Variants in KANK2 observed in about 807,000 individuals in gnomAD.
KANK2 encodes KN motif and ankyrin repeat domains 2, also known as KN motif and ankyrin repeat domain-containing protein 2.
Under a neutral mutation model 74.6 loss-of-function variants are expected in KANK2, and 41 were observed. The ratio of observed to expected loss-of-function variants is 0.55; its 90% CI spans 0.43 to 0.71. KANK2 has a LOEUF of 0.71. Ranked by LOEUF, KANK2 falls within the 30% of genes least tolerant of loss-of-function variation. The pLI is 0.00. For missense variants in KANK2, 1,148 were observed against 1,196.4 expected, an observed-to-expected ratio of 0.96 and a Z score of 0.60; for synonymous variants, 537 against 519.0, an observed-to-expected ratio of 1.03 and a Z score of -0.47.
intron 6 of KANK2, among the ~76,000 whole-genome samples, chr19:11,177,230 G>A (rs1600812186): frequency 6.6e-6 from 1 of 151,490 alleles, no homozygotes; most frequent in Non-Finnish European, 1.5e-5. Flanking sequence ...GGGACTACAG[G>A]TTTGCACCAC....
intron 12 of KANK2, among the ~76,000 whole-genome samples, chr19:11,167,989 G>A (rs1406748567): frequency 6.8e-6 from 1 of 147,200 alleles, no homozygotes; most frequent in Non-Finnish European, 1.5e-5. Flanking sequence ...CCCATCACTC[G>A]CCATCCCACG....
chr19:11,172,889 G>A (rs2078216837), intron 10 of KANK2, 92 bp downstream of exon 10: 2 of 1,417,766 alleles, frequency 1.4e-6, no homozygotes, highest in Non-Finnish European at 1.9e-6. Flanking sequence ...GGGCTCTGGA[G>A]TTAGACCACC....
At chr19:11,169,329 C>T (rs1055516332) in intron 12 of KANK2, among the ~76,000 whole-genome samples, 3 of 151,940 alleles carry the variant, frequency 2.0e-5, no homozygotes, top group Admixed American at 1.3e-4. Flanking sequence ...TAGAACAAGA[C>T]TTTGTCTCAA....
chr19:11,178,517 G>C (rs372248642), intron 5 of KANK2, 36 bp downstream of exon 5: 1 of 1,602,750 alleles, frequency 6.2e-7, no homozygotes, highest in South Asian at 1.1e-5. Context: ...CGCCATCCCG[G>C]TGCCCCGTCC....
At chr19:11,190,813 C>A (rs912564857) in intron 4 of KANK2, among the ~76,000 whole-genome samples, 7 of 152,076 alleles carry the variant, frequency 4.6e-5, no homozygotes. Flanking sequence ...TCACTGCAAC[C>A]TCCGGCTCCC....
At position 11,175,915 on chromosome 19, in the gene KANK2, G is replaced by A; in HGVS notation, c.1835C>T (p.Thr612Ile). ...EKYLDNPNAL[T>I]ERELKVAYTT... The stretch of plus-strand genomic sequence containing the variant: ...GCCAGATCGTACCAGCTCCCGCTCT[G>A]TGAGGGCGTTGGGATTGTCCAGGTA... The change falls in exon 8 of 13, where the codon ACA becomes ATA. Residue 612 changes from threonine (T) to isoleucine (I), a missense_variant. Thr to Ile is a moderately conservative substitution (Grantham distance 89, BLOSUM62 -1). Coordinates refer to ENST00000586659, the MANE Select transcript of KANK2 (RefSeq NM_001136191.3). 1 of 1,613,664 alleles carries A rather than the reference G, an allele frequency of 6.2e-7. No individual in the cohort carries two copies. Among genetic ancestry groups the A allele is most frequent in the Non-Finnish European group, 8.5e-7 (1 of 1,179,740 alleles).
intron 4 of KANK2, among the ~76,000 whole-genome samples, chr19:11,183,447 T>C (rs1444448578): frequency 1.3e-5 from 2 of 152,162 alleles, no homozygotes; most frequent in Non-Finnish European, 2.9e-5. Context: ...AGGGAGATAA[T>C]GTAGCAGACT....
chr19:11,196,057 CTTT>C (rs34366498), intron 1 of KANK2: 6 of 124,928 alleles, frequency 4.8e-5, no homozygotes, highest in Non-Finnish European at 8.0e-5. Context: ...AACATCAACT[CTTT>C]TTTTTTTTTT....
intron 4 of KANK2, among the ~76,000 whole-genome samples, chr19:11,186,281 G>C (rs1389369207): frequency 6.6e-6 from 1 of 151,726 alleles, no homozygotes; most frequent in Non-Finnish European, 1.5e-5. Context: ...CCAGCTACTA[G>C]AGATGCTGAG....
chr19:11,181,315 C>T (rs74180172), intron 4 of KANK2, among the ~76,000 whole-genome samples: 10,103 of 151,292 alleles, frequency 0.067, 389 homozygotes, highest in Admixed American at 0.09. Flanking sequence ...GGCGTGATCT[C>T]GGCTCACTGC....
intron 4 of KANK2, among the ~76,000 whole-genome samples, chr19:11,189,112 C>T (rs887232385): frequency 1.6e-4 from 24 of 146,484 alleles, no homozygotes; most frequent in Admixed American, 1.0e-3. Context: ...CCCCCACCCC[C>T]GCCCACAAGA....
intron 3 of KANK2, 71 bp downstream of exon 3, chr19:11,194,404 G>A: frequency 7.8e-7 from 1 of 1,282,400 alleles, no homozygotes; most frequent in Admixed American, 1.7e-5. Flanking sequence ...CCAGGGCAAG[G>A]TCCCCAGCCC....
intron 12 of KANK2, among the ~76,000 whole-genome samples, chr19:11,169,108 C>T (rs1426088424): frequency 6.6e-6 from 1 of 152,012 alleles, no homozygotes; most frequent in East Asian, 1.9e-4. Context: ...GAGGCAGAGG[C>T]GGGCAGATCA....
At chr19:11,167,527 C>G (rs532459566) in intron 12 of KANK2, among the ~76,000 whole-genome samples, 1 of 150,838 alleles carries the variant, frequency 6.6e-6, no homozygotes, top group East Asian at 2.0e-4. Context: ...CCAGGCCCAG[C>G]TAATTTTTTT....
chr19:11,174,009 T>C (rs1177035690), intron 9 of KANK2, among the ~76,000 whole-genome samples: 5 of 151,938 alleles, frequency 3.3e-5, no homozygotes, highest in African/African-American at 1.2e-4. Context: ...CCCATCAGAC[T>C]GGAAGGGTGG....
At chr19:11,171,319 C>T (rs1049542712) in intron 10 of KANK2, among the ~76,000 whole-genome samples, 2 of 152,028 alleles carry the variant, frequency 1.3e-5, no homozygotes, top group African/African-American at 2.4e-5. Context: ...TGGTGCCGCA[C>T]GCTTGCAGTC....
chr19:11,194,497 C>T lies in KANK2; in HGVS notation c.15G>A (p.Leu5=). Residue 5 remains leucine (L), a synonymous_variant, in exon 3 of 13, where the codon CTG becomes CTA. Transcript: ENST00000586659. ...GACCTGGGAAGGGAGCAGGCACGTG[C>T]AGGACCTGGGCCATCTTCTTTTCTA... The part of the protein sequence containing the change: MAQV[L]HVPAPFPGTP... 1.2e-6 allele frequency: 2 copies of T among 1,612,842 alleles called. No individual in the cohort carries two copies. The highest frequency in any genetic ancestry group is 1.7e-6 in the Non-Finnish European group (2 of 1,179,576).
At chr19:11,189,605 A>G (rs1466138157) in intron 4 of KANK2, among the ~76,000 whole-genome samples, 6 of 27,666 alleles carry the variant, frequency 2.2e-4, no homozygotes, top group Admixed American at 1.8e-3. Flanking sequence ...CTCTGTCTCA[A>G]AAAAAAAAAA....
In KANK2 at chr19:11,193,620, C is replaced by A. The variant is rs747940484; in HGVS notation, c.460G>T (p.Gly154Cys). The A allele has an allele frequency of 1.3e-6, 2 of 1,587,486 alleles. No individual in the cohort carries two copies. Among genetic ancestry groups the A allele is most frequent in the Non-Finnish European group, 1.7e-6 (2 of 1,167,920 alleles). ...ACGCCCACCAGGGAGGCTGTCGAGC[C>A]GGCCGCACTGGGGGTCAGGGAGCCC... ...GLGSLTPSAA[G>C]STASLVGVGL... The change falls in exon 4 of 13, where the codon GGC (glycine) becomes TGC (cysteine). Residue 154 changes from glycine to cysteine, a missense_variant. Gly to Cys is a radical substitution (Grantham distance 159). Coordinates refer to ENST00000586659, the MANE Select transcript of KANK2 (RefSeq NM_001136191.3). The surrounding 1 kb of genome is among the most constrained non-coding windows in gnomAD (Gnocchi z 9.6).
Sources: gnomAD v4.1 joint callset for allele counts (sites outside exome capture counted in the v4.1 genomes callset) on GRCh38, gnomAD v4.1.1 for gene constraint, Gnocchi (gnomAD v3.1) non-coding constraint, MANE v1.5 for transcripts, NCBI Gene and HGNC (gene_info 2026-07-23, HGNC 2026-07-21) for gene names.